Variants in TBC1D9B observed in about 807,000 individuals in gnomAD.
The protein encoded by TBC1D9B is TBC1 domain family member 9B.
In TBC1D9B, 87 loss-of-function variants were observed where a neutral mutation model predicts 121.1. That is an observed-to-expected ratio of 0.72 (90% CI 0.60 to 0.86). The LOEUF (loss-of-function observed/expected upper bound fraction) is 0.86. Among genes scored for constraint, TBC1D9B ranks in the 40% least tolerant of loss-of-function variants. The probability of loss-of-function intolerance (pLI) is 0.00; values close to 1 mark genes in which losing one functional copy is unlikely to be tolerated. For missense variants in TBC1D9B, 1,540 were observed against 1,628.6 expected, an observed-to-expected ratio of 0.95 and a Z score of 0.94; for synonymous variants, 668 against 670.1, an observed-to-expected ratio of 1.00 and a Z score of 0.05.
chr5:179,897,457 A>G (rs957308260), intron 3 of TBC1D9B, among the ~76,000 whole-genome samples: 1 of 152,004 alleles, frequency 6.6e-6, no homozygotes, highest in African/African-American at 2.4e-5. Flanking sequence ...AGCTGGGACT[A>G]CAGGCCCATG....
rs1760304874 is a variant in TBC1D9B at position 179,874,573 on chromosome 5, A to C, written c.2186+329T>G. On this transcript the variant is annotated intron_variant, in intron 12 of 20. Transcript: ENST00000355235. The surrounding 1 kb of genome is among the most constrained non-coding windows in gnomAD (Gnocchi z 4.3). ...ACCACCTGGTGGACATGAAATGCCC[A>C]GCTGTGCCACCAACTGGAATTGTGG... 6.6e-6 allele frequency among the ~76,000 whole-genome samples: 1 copy of C among 152,198 alleles called. No homozygotes were observed. Among genetic ancestry groups the C allele is most frequent in the Non-Finnish European group, 1.5e-5 (1 of 68,028 alleles).
chr5:179,863,825 C>A lies in TBC1D9B; in HGVS notation c.3325G>T (p.Val1109Leu). The change falls in exon 21 of 21, where the codon GTG becomes TTG. Residue 1109 changes from valine (V) to leucine (L), a missense_variant. Physicochemically the swap from Val to Leu is conservative, Grantham distance 32 (BLOSUM62 1). Transcript: ENST00000355235. The surrounding 1 kb of genome is among the most constrained non-coding windows in gnomAD (Gnocchi z 4.5). ...HLGKAPQESQ[V>L]VVEGGSGEGQ... is the part of the protein sequence containing the mutation. ...TCGCCGCTGCCCCCCTCCACCACCACCTGGCTCTCCTGTGGGGCTTTTCCG... is the reference window on the plus strand; with the variant it reads ...TCGCCGCTGCCCCCCTCCACCACCAACTGGCTCTCCTGTGGGGCTTTTCCG... The A allele has an allele frequency of 6.2e-7, 1 of 1,613,672 alleles. No homozygotes were observed. Among genetic ancestry groups the A allele is most frequent in the South Asian group, 1.1e-5 (1 of 91,078 alleles).
chr5:179,901,918 C>T (rs1761176444), intron 2 of TBC1D9B, among the ~76,000 whole-genome samples: 1 of 152,162 alleles, frequency 6.6e-6, no homozygotes, highest in South Asian at 2.1e-4. Flanking sequence ...AATGCTGTTT[C>T]TGTTTTCAGA....
chr5:179,893,065 C>G (rs1043114624), intron 5 of TBC1D9B, 144 bp downstream of exon 5: 2 of 1,198,820 alleles, frequency 1.7e-6, no homozygotes, highest in South Asian at 1.6e-5. Context: ...ATCTGTTTAC[C>G]TGGCTTCCTT....
At chr5:179,872,812 C>T in intron 14 of TBC1D9B, 80 bp downstream of exon 14, 1 of 1,415,888 alleles carries the variant, frequency 7.1e-7, no homozygotes, top group East Asian at 2.3e-5. Flanking sequence ...GCGGTGGAGC[C>T]CTGTACCCAC....
chr5:179,876,122 C>G, intron 10 of TBC1D9B, 85 bp from the exon 11 acceptor site: 1 of 1,078,932 alleles, frequency 9.3e-7, no homozygotes, highest in Non-Finnish European at 1.3e-6. Context: ...CCAGCCACCC[C>G]TCCCTGCAAG....
chr5:179,895,460 G>A (rs948026286), intron 3 of TBC1D9B, among the ~76,000 whole-genome samples: 3 of 152,136 alleles, frequency 2.0e-5, no homozygotes, highest in African/African-American at 7.2e-5. Context: ...TTGGCCCCCT[G>A]TATGCCAGGG....
chr5:179,890,712 C>T lies in TBC1D9B; in HGVS notation c.1044+667G>A, dbSNP rs991588187. Reference sequence around the variant, plus strand: ...TGCTTGGCCACAAGGAAAAGGAGGCCTTGGGACCTGTCCTGACTCAGTCTC... The same window carrying T: ...TGCTTGGCCACAAGGAAAAGGAGGCTTTGGGACCTGTCCTGACTCAGTCTC... On this transcript the variant is annotated intron_variant, in intron 6 of 20. Transcript: ENST00000355235. The surrounding 1 kb of genome is among the most constrained non-coding windows in gnomAD (Gnocchi z 5.0). Among the ~76,000 whole-genome samples the T allele has an allele frequency of 2.0e-5, 3 of 152,214 alleles. No individual in the cohort carries two copies. Among genetic ancestry groups the T allele is most frequent in the African/African-American group, 7.2e-5 (3 of 41,458 alleles).
At chr5:179,889,422 AG>A (rs1760794601) in intron 6 of TBC1D9B, among the ~76,000 whole-genome samples, 1 of 148,376 alleles carries the variant, frequency 6.7e-6, no homozygotes, top group South Asian at 2.1e-4. Flanking sequence ...AAGGCCTCAC[AG>A]GTCACAGGAG....
At position 179,879,138 on chromosome 5, in the gene TBC1D9B, G is replaced by C. The variant is rs770775542; in HGVS notation, c.1476C>G (p.Gly492=). The change falls in exon 9 of 21, where the codon GGC becomes GGG. Residue 492 remains glycine, a synonymous_variant. Coordinates refer to ENST00000355235, the MANE Select transcript of TBC1D9B (RefSeq NM_015043.4). ...WHIHFFEYGR[G]VCMYRTAKTR... is the part of the protein sequence containing the mutation. ...TCTTGGCTGTGCGGTACATGCACACGCCACGCCCGTACTCGAAGAAGTGGA... is the reference window on the plus strand; with the variant it reads ...TCTTGGCTGTGCGGTACATGCACACCCCACGCCCGTACTCGAAGAAGTGGA... 1 of 1,607,124 alleles carries C rather than the reference G, an allele frequency of 6.2e-7. No individual in the cohort carries two copies. The highest frequency in any genetic ancestry group is 8.5e-7 in the Non-Finnish European group (1 of 1,179,700).
chr5:179,879,651 T>C lies in TBC1D9B; in HGVS notation c.1393A>G (p.Met465Val), dbSNP rs940265436. Residue 465 changes from methionine (M) to valine (V), a missense_variant, in exon 8 of 21, where the codon ATG becomes GTG. Physicochemically the swap from Met to Val is conservative, Grantham distance 21. Coordinates refer to ENST00000355235, the MANE Select transcript of TBC1D9B (RefSeq NM_015043.4). ...LLKLFQKNSP[M>V]EDLGAKGAKE... is the part of the protein sequence containing the mutation. Reference sequence around the variant, plus strand: ...ACCCCCTTGGCTCCAAGGTCCTCCATGGGCGAGTTTTTCTGGAAGAGCTTC... The same window carrying C: ...ACCCCCTTGGCTCCAAGGTCCTCCACGGGCGAGTTTTTCTGGAAGAGCTTC... 28 of 1,613,894 alleles carry C rather than the reference T, an allele frequency of 1.7e-5. No individual in the cohort carries two copies. Among genetic ancestry groups the C allele is most frequent in the Admixed American group, 1.2e-4 (7 of 60,002 alleles).
rs796278508 is a variant in TBC1D9B at position 179,881,946 on chromosome 5, G to GTTTTTTTTTTTTTTTTTTTTTTTTTTTTT, written c.1255-2158_1255-2157insAAAAAAAAAAAAAAAAAAAAAAAAAAAAA. Reference sequence around the variant, plus strand: ...TTCCATATCTTTCCATATACCTTCCGTTTTTTTTTTTTTTTTGAGATGGAG... The same window carrying GTTTTTTTTTTTTTTTTTTTTTTTTTTTTT: ...TTCCATATCTTTCCATATACCTTCCGTTTTTTTTTTTTTTTTTTTTTTTTTTTTTTTTTTTTTTTTTTTTTGAGATGGAG... On this transcript the variant is annotated intron_variant, in intron 7 of 20. Coordinates refer to ENST00000355235, the MANE Select transcript of TBC1D9B (RefSeq NM_015043.4). Among the ~76,000 whole-genome samples, 7 of 128,286 alleles carry GTTTTTTTTTTTTTTTTTTTTTTTTTTTTT rather than the reference G, an allele frequency of 5.5e-5. 1 individual carries two copies. Among genetic ancestry groups the GTTTTTTTTTTTTTTTTTTTTTTTTTTTTT allele is most frequent in the African/African-American group, 2.3e-4 (7 of 29,966 alleles). 84.2% of individuals were successfully genotyped at this position (128,286 alleles called of 152,430 possible). A position where few individuals can be genotyped will look rare whatever the true frequency, so the allele number is the denominator to read the frequency against.
At chr5:179,878,936 G>A (rs974074837) in intron 9 of TBC1D9B, 111 bp downstream of exon 9, 1 of 1,415,006 alleles carries the variant, frequency 7.1e-7, no homozygotes, top group Non-Finnish European at 9.3e-7. Flanking sequence ...AAAGAGCTGG[G>A]AGCTCCTGCC....
chr5:179,885,508 G>C lies in TBC1D9B; in HGVS notation c.1254+2595C>G, dbSNP rs183884373. On this transcript the variant is annotated intron_variant, in intron 7 of 20. Coordinates refer to ENST00000355235, the MANE Select transcript of TBC1D9B (RefSeq NM_015043.4). This position sits in a 1 kb window ranked among gnomAD's most constrained non-coding sequence, Gnocchi z 4.5. The stretch of plus-strand genomic sequence containing the variant: ...GGAGGCTGAGGCAGGAGAATCACTT[G>C]AACCTGGGAGGCAGAGGATGCAGTG... Among the ~76,000 whole-genome samples the C allele has an allele frequency of 5.1e-3, 770 of 152,062 alleles. 5 individuals are homozygous for C. The highest frequency in any genetic ancestry group is 0.018 in the African/African-American group (733 of 41,482).
chr5:179,892,885 T>A (rs1431479932), intron 5 of TBC1D9B, among the ~76,000 whole-genome samples: 1 of 152,184 alleles, frequency 6.6e-6, no homozygotes, highest in East Asian at 1.9e-4. Context: ...TCAGGCAAGT[T>A]ACTTAACCTC....
intron 15 of TBC1D9B, 87 bp from the exon 16 acceptor site, chr5:179,870,582 CCT>C (rs961284020): frequency 6.1e-6 from 9 of 1,486,484 alleles, no homozygotes; most frequent in Non-Finnish European, 6.2e-6. Flanking sequence ...CCACCCTCCC[CCT>C]CTGTCCAAGC....
chr5:179,898,057 T>A (rs1166496514), intron 3 of TBC1D9B, among the ~76,000 whole-genome samples: 2 of 152,036 alleles, frequency 1.3e-5, no homozygotes, highest in South Asian at 2.1e-4. Flanking sequence ...GGCTGATGCC[T>A]GTAATCCCAT....
Position 179,879,170 on chromosome 5 carries a change from A to G in TBC1D9B, c.1444T>C (p.Trp482Arg). Residue 482 changes from tryptophan (W) to arginine (R), a missense_variant, in exon 9 of 21, where the codon TGG (tryptophan) becomes CGG (arginine). Coordinates refer to ENST00000355235, the MANE Select transcript of TBC1D9B (RefSeq NM_015043.4). ...GAKEKMKEES[W>R]HIHFFEYGRG... ...CCGTACTCGAAGAAGTGGATGTGCCATGACTCCTCTTTCATCTTCTCCTTG... is the reference window on the plus strand; with the variant it reads ...CCGTACTCGAAGAAGTGGATGTGCCGTGACTCCTCTTTCATCTTCTCCTTG... 1.2e-6 allele frequency: 2 copies of G among 1,604,536 alleles called. No individual in the cohort carries two copies. Among genetic ancestry groups the G allele is most frequent in the South Asian group, 2.2e-5 (2 of 90,628 alleles).
Position 179,863,640 on chromosome 5 carries a change from GC to G in TBC1D9B, c.3509del (p.Arg1170ProfsTer22). ...AGTCGGTGTCGACGGTGCCGCCGATGCGCGCTGTGGGGCTGCAGGCCTCCCC... is the reference window on the plus strand; with the variant it reads ...AGTCGGTGTCGACGGTGCCGCCGATGGCGCTGTGGGGCTGCAGGCCTCCCC... ...VGGEACSPTA[R>X]IGGTVDTDWC... On this transcript the variant is annotated frameshift_variant, in exon 21 of 21. Transcript: ENST00000355235. LOFTEE classifies it high-confidence loss of function. This position sits in a 1 kb window ranked among gnomAD's most constrained non-coding sequence, Gnocchi z 4.5. 2 of 1,613,848 alleles carry G rather than the reference GC, an allele frequency of 1.2e-6. No individual in the cohort carries two copies. The highest frequency in any genetic ancestry group is 1.7e-6 in the Non-Finnish European group (2 of 1,180,028).
Sources: gnomAD v4.1 joint callset for allele counts (sites outside exome capture counted in the v4.1 genomes callset) on GRCh38, gnomAD v4.1.1 for gene constraint, Gnocchi (gnomAD v3.1) non-coding constraint, MANE v1.5 for transcripts, NCBI Gene and HGNC (gene_info 2026-07-23, HGNC 2026-07-21) for gene names.